TRAPPC12: variants seen among roughly 807,000 people sequenced by gnomAD.
TRAPPC12 encodes the protein trafficking protein particle complex subunit 12.
In TRAPPC12, 61 loss-of-function variants were observed where a neutral mutation model predicts 69.2. That is an observed-to-expected ratio of 0.88 (90% CI 0.72 to 1.09). The LOEUF (loss-of-function observed/expected upper bound fraction) is 1.09. Among genes scored for constraint, TRAPPC12 ranks in the 50% least tolerant of loss-of-function variants. TRAPPC12 has a pLI of 0.00. For missense variants in TRAPPC12, 1,101 were observed against 1,016.4 expected, an observed-to-expected ratio of 1.08 and a Z score of -1.13; for synonymous variants, 469 against 438.9, an observed-to-expected ratio of 1.07 and a Z score of -0.86.
intron 8 of TRAPPC12, chr2:3,462,992 C>G: frequency 2.1e-6 from 1 of 469,862 alleles, no homozygotes. Flanking sequence ...GGTTGTAAAT[C>G]TAGTTTCACG....
chr2:3,461,626 T>C (rs1286227000), intron 8 of TRAPPC12, among the ~76,000 whole-genome samples: 4 of 152,204 alleles, frequency 2.6e-5, no homozygotes, highest in Non-Finnish European at 4.4e-5. Context: ...AGTTCTGTGG[T>C]TTTGCTCAGA....
chr2:3,461,452 C>T (rs1015768504), intron 8 of TRAPPC12, among the ~76,000 whole-genome samples: 12 of 152,242 alleles, frequency 7.9e-5, no homozygotes, highest in Admixed American at 4.6e-4. Context: ...TGTTCATCCT[C>T]GGTAGCAAGC....
intron 3 of TRAPPC12, among the ~76,000 whole-genome samples, chr2:3,405,913 C>T (rs992571261): frequency 6.6e-6 from 1 of 152,178 alleles, no homozygotes; most frequent in African/African-American, 2.4e-5. Flanking sequence ...TCTCCTCATG[C>T]CCTGAATCCA....
At chr2:3,454,223 C>T (rs1665007608) in intron 6 of TRAPPC12, among the ~76,000 whole-genome samples, 2 of 152,192 alleles carry the variant, frequency 1.3e-5, no homozygotes, top group East Asian at 3.9e-4. Context: ...GTGTAGCCTG[C>T]CTGGTGTCTC....
chr2:3,470,136 A>C lies in TRAPPC12; in HGVS notation c.1776+4441A>C, dbSNP rs529224183. On this transcript the variant is annotated intron_variant, in intron 9 of 11. Coordinates refer to ENST00000324266, the MANE Select transcript of TRAPPC12 (RefSeq NM_016030.6). ...GGTAGGGAAACGCTTGGCAAAGCAC[A>C]AAGGCAGAGGGACCCACATAGCTGG... 2.2e-3 allele frequency among the ~76,000 whole-genome samples: 339 copies of C among 152,352 alleles called. 1 individual carries two copies. Among genetic ancestry groups the C allele is most frequent in the Non-Finnish European group, 3.9e-3 (263 of 68,026 alleles).
chr2:3,452,862 C>A (rs529512155), intron 6 of TRAPPC12, among the ~76,000 whole-genome samples: 3 of 152,244 alleles, frequency 2.0e-5, no homozygotes, highest in Non-Finnish European at 4.4e-5. Context: ...TTTCTGGTTG[C>A]TTCTCCTCTT....
At chr2:3,417,903 C>T (rs13031126) in intron 3 of TRAPPC12, among the ~76,000 whole-genome samples, 50,587 of 150,952 alleles carry the variant, frequency 0.34, 9,867 homozygotes, top group African/African-American at 0.53. Context: ...TTTAGCCGGG[C>T]GTGGTGGCGG....
At chr2:3,456,906 C>T (rs961554099) in intron 6 of TRAPPC12, 4 of 334,374 alleles carry the variant, frequency 1.2e-5, no homozygotes, top group Non-Finnish European at 2.3e-5. Context: ...AGGCTTGATG[C>T]TTTTCTTAAA....
rs115025315 is a variant in TRAPPC12, at chr2:3,477,111, C to G, written c.1777-584C>G. 2.1e-4 allele frequency among the ~76,000 whole-genome samples: 32 copies of G among 152,346 alleles called. No individual in the cohort carries two copies. In the Middle Eastern group the frequency reaches 0.01, roughly 49 times the overall value. The stretch of plus-strand genomic sequence containing the variant: ...GGCTGGGGCACTCAGCCTTCCACCC[C>G]CCAGGCCTCCTCTGCCACAGGCCTG... On this transcript the variant is annotated intron_variant, in intron 9 of 11. Transcript: ENST00000324266.
chr2:3,463,102 A>G (rs1665598268), intron 8 of TRAPPC12: 1 of 388,070 alleles, frequency 2.6e-6, no homozygotes, highest in Non-Finnish European at 5.4e-6. Flanking sequence ...ACAAAAGCCA[A>G]ATCCACAGGA....
Position 3,479,537 on chromosome 2 carries a change from T to C in TRAPPC12, c.*76T>C, listed in dbSNP as rs1013714755. ...TTGAAGCTAATGTATTAATGTGACA[T>C]GGAGGAACTCAATAAAACTCCTGCT... is the stretch of plus-strand genomic sequence containing the variant. On this transcript the variant is annotated 3_prime_UTR_variant, in exon 12 of 12. Transcript: ENST00000324266. 6.5e-7 allele frequency: 1 copy of C among 1,547,302 alleles called. No individual in the cohort carries two copies. The highest frequency in any genetic ancestry group is 2.3e-5 in the East Asian group (1 of 44,334).
At chr2:3,450,933 C>G (rs1340401593) in intron 6 of TRAPPC12, among the ~76,000 whole-genome samples, 1 of 152,156 alleles carries the variant, frequency 6.6e-6, no homozygotes, top group East Asian at 1.9e-4. Context: ...TTCCTCAAGG[C>G]CCCCTGCAGA....
rs73910532 is a variant in TRAPPC12, at chr2:3,450,930, A to G, written c.1531-6691A>G. Among the ~76,000 whole-genome samples, 375 of 152,240 alleles carry G rather than the reference A, an allele frequency of 2.5e-3. 4 individuals are homozygous for G. The highest frequency in any genetic ancestry group is 8.6e-3 in the African/African-American group (358 of 41,540). The stretch of plus-strand genomic sequence containing the variant: ...GACAGACGCAAAGGCTCCTTCCTCA[A>G]GGCCCCCTGCAGACAGCACTTTCCA... On this transcript the variant is annotated intron_variant, in intron 6 of 11. Transcript: ENST00000324266.
chr2:3,434,706 C>G (rs990785497), intron 5 of TRAPPC12, among the ~76,000 whole-genome samples: 2 of 152,216 alleles, frequency 1.3e-5, no homozygotes, highest in African/African-American at 4.8e-5. Context: ...GAGCTTCCAG[C>G]TGACAGTCTC....
rs375788222 is a variant in TRAPPC12 at position 3,387,677 on chromosome 2, C to G, written c.54C>G (p.Pro18=). 1.5e-5 allele frequency: 24 copies of G among 1,558,242 alleles called. No individual in the cohort carries two copies. In the Admixed American group the frequency reaches 1.7e-4, roughly 11 times the overall value. The change falls in exon 2 of 12, where the codon CCC becomes CCG. Residue 18 remains proline (P), a synonymous_variant. Coordinates refer to ENST00000324266, the MANE Select transcript of TRAPPC12 (RefSeq NM_016030.6). The stretch of plus-strand genomic sequence containing the variant: ...CCCCGGCCCCGGAGGCCCCGCACCC[C>G]CCTCAGCTCGCGCCTCCGGAGGAGC... ...EETPAPEAPH[P]PQLAPPEEQG... is the part of the protein sequence containing the mutation.
intron 6 of TRAPPC12, among the ~76,000 whole-genome samples, chr2:3,450,666 GGTCCC>G (rs1664806075): frequency 6.6e-6 from 1 of 152,160 alleles, no homozygotes; most frequent in Non-Finnish European, 1.5e-5. Context: ...ACTTTGAAGA[GGTCCC>G]CTGGGAAGCT....
chr2:3,471,693 TC>T, intron 9 of TRAPPC12, among the ~76,000 whole-genome samples: 1 of 152,318 alleles, frequency 6.6e-6, no homozygotes, highest in South Asian at 2.1e-4. Flanking sequence ...CAACTGATCT[TC>T]AAACAGAAGA....
chr2:3,477,821 G>A (rs1666361412), intron 10 of TRAPPC12, 26 bp downstream of exon 10: 1 of 1,513,732 alleles, frequency 6.6e-7, no homozygotes, highest in South Asian at 1.2e-5. Context: ...CTAAATATAT[G>A]TTTTCTCAAA....
At chr2:3,387,518 A>G in intron 1 of TRAPPC12, 102 bp from the exon 2 acceptor site, 1 of 962,024 alleles carries the variant, frequency 1.0e-6, no homozygotes, top group Non-Finnish European at 1.5e-6. Context: ...GAAGCTGGAG[A>G]AATGGAAGTC....
Sources: gnomAD v4.1 joint callset for allele counts (sites outside exome capture counted in the v4.1 genomes callset) on GRCh38, gnomAD v4.1.1 for gene constraint, MANE v1.5 for transcripts, NCBI Gene and HGNC (gene_info 2026-07-23, HGNC 2026-07-21) for gene names.